Variants in ZFHX4 observed in about 807,000 individuals in gnomAD.
The protein encoded by ZFHX4 is zinc finger homeobox 4.
Under a neutral mutation model 267.6 loss-of-function variants are expected in ZFHX4, and 56 were observed. The observed-to-expected ratio is 0.21, with a 90% CI of 0.17 to 0.26. The LOEUF is 0.26. Ranked by LOEUF, ZFHX4 falls within the 10% of genes least tolerant of loss-of-function variation. The probability of loss-of-function intolerance (pLI) is 1.00; values close to 1 mark genes in which losing one functional copy is unlikely to be tolerated. For synonymous variants in ZFHX4, 1,778 were observed against 1,665.6 expected (o/e 1.07, Z -1.64); for missense variants, 4,332 against 4,420.0 (o/e 0.98, Z 0.56).
Position 76,842,674 on chromosome 8 carries a change from A to C in ZFHX4, c.3414A>C (p.Ala1138=). Residue 1138 remains alanine, a synonymous_variant, in exon 6 of 11, where the codon GCA becomes GCC. Transcript: ENST00000651372. ...RSTSEEQSEE[A]EGAIKPTAVA... ...TAACAGAAGAACAAAGTGAGGAGGC[A>C]GAAGGAGCTATTAAGCCTACAGCAG... is the stretch of plus-strand genomic sequence containing the variant. 2.6e-6 allele frequency: 4 copies of C among 1,552,444 alleles called. No individual in the cohort carries two copies. The highest frequency in any genetic ancestry group is 2.6e-6 in the Non-Finnish European group (3 of 1,147,390).
At chr8:76,768,805 C>T (rs567669761) in intron 3 of ZFHX4, among the ~76,000 whole-genome samples, 1 of 151,982 alleles carries the variant, frequency 6.6e-6, no homozygotes, top group African/African-American at 2.4e-5. Context: ...AGGATATTAA[C>T]TAAACAAAGA....
intron 5 of ZFHX4, among the ~76,000 whole-genome samples, chr8:76,840,666 G>A (rs1812211197): frequency 6.6e-6 from 1 of 152,164 alleles, no homozygotes; most frequent in Non-Finnish European, 1.5e-5. Flanking sequence ...GTAGCACTCT[G>A]ACACTTTATT....
At chr8:76,776,504 T>C (rs1003426965) in intron 3 of ZFHX4, among the ~76,000 whole-genome samples, 18 of 152,216 alleles carry the variant, frequency 1.2e-4, no homozygotes, top group South Asian at 8.3e-4. Context: ...GGCACAGAAA[T>C]GTTCCTGTTT....
Position 76,854,847 on chromosome 8 carries a change from C to G in ZFHX4, c.7926C>G (p.Val2642=). 1 of 1,608,558 alleles carries G rather than the reference C, an allele frequency of 6.2e-7. No individual in the cohort carries two copies. The highest frequency in any genetic ancestry group is 1.7e-5 in the Admixed American group (1 of 58,748). The change falls in exon 10 of 11, where the codon GTC becomes GTG. Residue 2642 remains valine, a synonymous_variant. Coordinates refer to ENST00000651372, the MANE Select transcript of ZFHX4 (RefSeq NM_024721.5). ...RKMLDHIARE[V]GLKKRVVQVW... ...TGCTTGATCATATTGCCCGCGAAGTCGGGCTGAAAAAAAGGGTCGTGCAAG... is the reference window on the plus strand; with the variant it reads ...TGCTTGATCATATTGCCCGCGAAGTGGGGCTGAAAAAAAGGGTCGTGCAAG...
At chr8:76,849,364 G>T (rs1812449188) in intron 7 of ZFHX4, 148 bp from the exon 8 acceptor site, 2 of 848,160 alleles carry the variant, frequency 2.4e-6, no homozygotes, top group Non-Finnish European at 3.8e-6. Flanking sequence ...AATGTCTGAG[G>T]TGATGGATAT....
In ZFHX4 at chr8:76,863,175, C is replaced by T. The variant is rs748135506; in HGVS notation, c.9461C>T (p.Pro3154Leu). 11 of 1,556,480 alleles carry T rather than the reference C, an allele frequency of 7.1e-6. No homozygotes were observed. The South Asian group carries it at 1.2e-4, about 17-fold the overall frequency. The change falls in exon 11 of 11, where the codon CCC becomes CTC. Residue 3154 changes from proline to leucine, a missense_variant. Physicochemically the swap from Pro to Leu is moderately conservative, Grantham distance 98. Around this residue, in one of 7 missense-constraint regions of ZFHX4, gnomAD observed 1,648 missense variants for 1,625.0 expected, o/e 1.01. Coordinates refer to ENST00000651372, the MANE Select transcript of ZFHX4 (RefSeq NM_024721.5). The stretch of plus-strand genomic sequence containing the variant: ...CCTGCCCTGTCTCTCAGCAGTGCCC[C>T]CACCAAACCTTTGCTGCAGACTCCA... Reference protein sequence around the residue: ...SSPALSLSSAPTKPLLQTPPP... With the variant: ...SSPALSLSSALTKPLLQTPPP...
intron 1 of ZFHX4, among the ~76,000 whole-genome samples, chr8:76,698,681 G>C (rs1347214844): frequency 6.6e-6 from 1 of 151,368 alleles, no homozygotes; most frequent in East Asian, 2.0e-4. Flanking sequence ...ATTTTAATGA[G>C]AAAAATGAGA....
At chr8:76,691,516 C>T (rs984288839) in intron 1 of ZFHX4, among the ~76,000 whole-genome samples, 1 of 151,990 alleles carries the variant, frequency 6.6e-6, no homozygotes, top group Non-Finnish European at 1.5e-5. Context: ...TTTGATTCTG[C>T]GTACTTTGGT....
chr8:76,859,030 A>T (rs1024964237), intron 10 of ZFHX4, among the ~76,000 whole-genome samples: 1 of 152,310 alleles, frequency 6.6e-6, no homozygotes, highest in Non-Finnish European at 1.5e-5. Context: ...CTCAAAGGCT[A>T]CGCCCCAAAA....
chr8:76,714,659 T>G (rs1487398503), intron 3 of ZFHX4, among the ~76,000 whole-genome samples: 1 of 152,208 alleles, frequency 6.6e-6, no homozygotes, highest in Non-Finnish European at 1.5e-5. Context: ...ATATCTCAAT[T>G]TTTACTTCTG....
chr8:76,806,381 C>T (rs901631898), intron 4 of ZFHX4, among the ~76,000 whole-genome samples: 2 of 151,822 alleles, frequency 1.3e-5, no homozygotes, highest in African/African-American at 4.8e-5. Context: ...CTAAAGTAGT[C>T]AACATTCTCC....
Position 76,849,024 on chromosome 8 carries a change from G to A in ZFHX4, c.3541G>A (p.Val1181Ile). ...AATCACACCAGAGAAGGAACTAAAA[G>A]TTAGTGTGGCAGGGGGTACCCAGCC... The part of the protein sequence containing the change: ...GIITPEKELK[V>I]SVAGGTQPLL... The change falls in exon 7 of 11, where the codon GTT becomes ATT. Residue 1181 changes from valine to isoleucine, a missense_variant. Val to Ile is a conservative substitution (Grantham distance 29). This residue lies in a region of ZFHX4 where 1,371 missense variants were observed against 1,423.1 expected (regional missense o/e 0.96). Transcript: ENST00000651372. The A allele has an allele frequency of 6.4e-7, 1 of 1,555,216 alleles. No homozygotes were observed. The highest frequency in any genetic ancestry group is 1.2e-5 in the South Asian group (1 of 83,480).
intron 3 of ZFHX4, among the ~76,000 whole-genome samples, chr8:76,771,861 T>A (rs116456683): frequency 0.011 from 1,642 of 152,194 alleles, 32 homozygotes; most frequent in African/African-American, 0.037. Flanking sequence ...TTTGCGATAA[T>A]TTAGATGTAG....
chr8:76,792,609 TAAGC>T (rs1810867697), intron 4 of ZFHX4, among the ~76,000 whole-genome samples: 1 of 152,204 alleles, frequency 6.6e-6, no homozygotes. Context: ...AATAGATCCT[TAAGC>T]AAATAGTTCT....
At chr8:76,779,154 G>T (rs552406184) in intron 4 of ZFHX4, among the ~76,000 whole-genome samples, 1 of 152,214 alleles carries the variant, frequency 6.6e-6, no homozygotes, top group Admixed American at 6.5e-5. Flanking sequence ...AAATGAGACG[G>T]CTGTACTTTT....
intron 4 of ZFHX4, among the ~76,000 whole-genome samples, chr8:76,787,047 G>T (rs1053476821): frequency 6.6e-6 from 1 of 152,104 alleles, no homozygotes; most frequent in African/African-American, 2.4e-5. Flanking sequence ...CATAATCACT[G>T]TGTATAAATG....
chr8:76,723,556 CTT>C (rs150378157), intron 3 of ZFHX4, among the ~76,000 whole-genome samples: 1 of 142,880 alleles, frequency 7.0e-6, no homozygotes. Flanking sequence ...AATTCCCTTG[CTT>C]TTTTTTTTTA....
intron 4 of ZFHX4, among the ~76,000 whole-genome samples, chr8:76,797,882 C>CTGTATGTGTGTGTGTGTGTGTGTGTG (rs1811018973): frequency 2.2e-5 from 3 of 135,570 alleles, no homozygotes; most frequent in African/African-American, 8.8e-5. Flanking sequence ...GGGTGTGTGT[C>CTGTATGTGTGTGTGTGTGTGTGTGTG]TGTATGTGTG....
At chr8:76,751,465 T>C (rs1809612281) in intron 3 of ZFHX4, among the ~76,000 whole-genome samples, 1 of 152,124 alleles carries the variant, frequency 6.6e-6, no homozygotes, top group Non-Finnish European at 1.5e-5. Flanking sequence ...CTTGACACAG[T>C]GGTCTTGGCA....
Sources: allele counts gnomAD v4.1 joint callset (sites outside exome capture counted in the v4.1 genomes callset), GRCh38; gene constraint gnomAD v4.1.1; regional missense constraint gnomAD v4.1.1; transcripts MANE v1.5; gene names NCBI Gene and HGNC (gene_info 2026-07-23, HGNC 2026-07-21).